RNGTT: variants seen among roughly 807,000 people sequenced by gnomAD.
RNGTT encodes RNA guanylyltransferase and 5'-phosphatase.
In RNGTT, 33 loss-of-function variants were observed where a neutral mutation model predicts 79.3. That is an observed-to-expected ratio of 0.42 (90% CI 0.32 to 0.56). The LOEUF is 0.56. RNGTT is among the 20% of genes least tolerant of loss of function. The pLI, the probability that RNGTT is intolerant of heterozygous loss-of-function variation, is 0.17. For missense variants in RNGTT, 497 were observed against 739.1 expected (o/e 0.67, Z 3.80); for synonymous variants, 222 against 235.9 (o/e 0.94, Z 0.54).
intron 13 of RNGTT, among the ~76,000 whole-genome samples, chr6:88,750,725 A>G (rs541517965): frequency 1.8e-4 from 27 of 152,248 alleles, no homozygotes; most frequent in African/African-American, 5.8e-4. Flanking sequence ...CTTTCAGGCT[A>G]TGCTTTCTGT....
chr6:88,647,699 GT>G (rs1562169230), intron 14 of RNGTT, among the ~76,000 whole-genome samples: 3 of 66,892 alleles, frequency 4.5e-5, no homozygotes, highest in African/African-American at 3.4e-4. Flanking sequence ...CCGACACCCT[GT>G]TAAAAAAAAA....
At chr6:88,885,642 T>C (rs1393705629) in intron 8 of RNGTT, among the ~76,000 whole-genome samples, 1 of 152,194 alleles carries the variant, frequency 6.6e-6, no homozygotes, top group African/African-American at 2.4e-5. Flanking sequence ...ATAGGATATT[T>C]ACATGATCTC....
chr6:88,808,615 T>C (rs1780035807), intron 11 of RNGTT, among the ~76,000 whole-genome samples: 1 of 152,124 alleles, frequency 6.6e-6, no homozygotes, highest in Admixed American at 6.5e-5. Flanking sequence ...ATTAATAAAT[T>C]TTTTTAAGAA....
At chr6:88,634,639 C>T (rs1254062948) in intron 14 of RNGTT, among the ~76,000 whole-genome samples, 2 of 152,064 alleles carry the variant, frequency 1.3e-5, no homozygotes, top group Non-Finnish European at 2.9e-5. Flanking sequence ...GATGACTTAA[C>T]GAATAGCCTA....
At chr6:88,725,578 G>A (rs1776866081) in intron 13 of RNGTT, among the ~76,000 whole-genome samples, 1 of 152,170 alleles carries the variant, frequency 6.6e-6, no homozygotes, top group African/African-American at 2.4e-5. Flanking sequence ...CATTCAGGAG[G>A]GGGTTGAAAC....
chr6:88,662,831 C>T (rs1229897105), intron 14 of RNGTT, among the ~76,000 whole-genome samples: 2 of 152,178 alleles, frequency 1.3e-5, no homozygotes, highest in Non-Finnish European at 1.5e-5. Context: ...AAGGAATCGG[C>T]GATTGGAGTC....
chr6:88,767,674 G>T (rs1778506146), intron 13 of RNGTT, among the ~76,000 whole-genome samples: 1 of 86,182 alleles, frequency 1.2e-5, no homozygotes, highest in Admixed American at 1.7e-4. Context: ...ATATTCACTT[G>T]TGTCAAAAAA....
chr6:88,902,942 C>T (rs1253746288), intron 6 of RNGTT, among the ~76,000 whole-genome samples: 1 of 152,074 alleles, frequency 6.6e-6, no homozygotes, highest in Non-Finnish European at 1.5e-5. Flanking sequence ...GATCCACCCA[C>T]CTCGGCCTCC....
intron 13 of RNGTT, among the ~76,000 whole-genome samples, chr6:88,752,675 G>A (rs553373703): frequency 6.6e-6 from 1 of 151,960 alleles, no homozygotes; most frequent in South Asian, 2.1e-4. Context: ...TATGTTTTTA[G>A]AAGTGGGAAT....
chr6:88,756,574 AT>A (rs1335489670), intron 13 of RNGTT, among the ~76,000 whole-genome samples: 34 of 152,334 alleles, frequency 2.2e-4, no homozygotes, highest in African/African-American at 7.2e-4. Flanking sequence ...TGTGTTAAAA[AT>A]AAGAGGCTAC....
intron 13 of RNGTT, among the ~76,000 whole-genome samples, chr6:88,709,387 GA>G (rs1444064552): frequency 1.3e-5 from 2 of 151,976 alleles, no homozygotes; most frequent in Non-Finnish European, 2.9e-5. Flanking sequence ...CTGAGAGAGA[GA>G]ATATAAAGAA....
intron 6 of RNGTT, among the ~76,000 whole-genome samples, chr6:88,896,704 G>A (rs1023666698): frequency 6.6e-6 from 1 of 152,134 alleles, no homozygotes; most frequent in African/African-American, 2.4e-5. Context: ...ATTTAAGCCA[G>A]TTTAAGTTAT....
chr6:88,887,759 G>T (rs943867809), intron 8 of RNGTT, among the ~76,000 whole-genome samples: 2 of 152,142 alleles, frequency 1.3e-5, no homozygotes, highest in African/African-American at 4.8e-5. Flanking sequence ...GACAAATTTT[G>T]CAGGCTTTAT....
intron 14 of RNGTT, among the ~76,000 whole-genome samples, chr6:88,675,262 CAACT>C (rs1200705850): frequency 6.6e-5 from 10 of 152,134 alleles, no homozygotes; most frequent in Non-Finnish European, 1.3e-4. Context: ...AACCAACCCT[CAACT>C]AATATTACTA....
intron 12 of RNGTT, among the ~76,000 whole-genome samples, chr6:88,775,970 C>T (rs7760481): frequency 0.52 from 78,939 of 151,948 alleles, 21,991 homozygotes; most frequent in African/African-American, 0.73. Flanking sequence ...TTTCCATATG[C>T]AGGCTGTTGG....
rs1783852128 is a variant in RNGTT at position 88,912,289 on chromosome 6, G to A, written c.368-5849C>T. ...CAGCCAAGCATGGTGGCATGCACCT[G>A]TAATCCTAGCTACTCAGGCTAGGGC... On this transcript the variant is annotated intron_variant, in intron 4 of 15. Transcript: ENST00000369485. Among the ~76,000 whole-genome samples, 5 of 152,074 alleles carry A rather than the reference G, an allele frequency of 3.3e-5. No individual in the cohort carries two copies. The South Asian group carries it at 6.2e-4, about 19-fold the overall frequency.
chr6:88,776,988 T>C (rs1206075353), intron 12 of RNGTT, among the ~76,000 whole-genome samples: 2 of 152,204 alleles, frequency 1.3e-5, no homozygotes, highest in Non-Finnish European at 1.5e-5. Flanking sequence ...GTTTCAAGTG[T>C]TACAGTTAGG....
At chr6:88,739,913 A>C (rs1469349715) in intron 13 of RNGTT, among the ~76,000 whole-genome samples, 4 of 151,632 alleles carry the variant, frequency 2.6e-5, no homozygotes, top group Non-Finnish European at 5.9e-5. Context: ...TAGCAGAATT[A>C]ATTTTTTAAA....
intron 12 of RNGTT, among the ~76,000 whole-genome samples, chr6:88,775,640 T>C (rs1687105954): frequency 6.6e-6 from 1 of 152,216 alleles, no homozygotes. Flanking sequence ...TCACCTATAA[T>C]CAAAAGTTGT....
Sources: gnomAD v4.1 joint callset for allele counts (sites outside exome capture counted in the v4.1 genomes callset) on GRCh38, gnomAD v4.1.1 for gene constraint, MANE v1.5 for transcripts, NCBI Gene and HGNC (gene_info 2026-07-23, HGNC 2026-07-21) for gene names.